Variants in RAP1GDS1 observed in about 807,000 individuals in gnomAD.
RAP1GDS1 encodes RAP1, GTP-GDP dissociation stimulator 1.
RAP1GDS1 carries 35 observed loss-of-function variants against 71.1 expected under a neutral mutation model. That is an observed-to-expected ratio of 0.49 (90% CI 0.38 to 0.65). The LOEUF (loss-of-function observed/expected upper bound fraction) is 0.65. RAP1GDS1 is among the 30% of genes least tolerant of loss of function. The pLI, the probability that RAP1GDS1 is intolerant of heterozygous loss-of-function variation, is 0.00. For missense variants in RAP1GDS1, 663 were observed against 706.1 expected, an observed-to-expected ratio of 0.94 and a Z score of 0.69; for synonymous variants, 229 against 243.1, an observed-to-expected ratio of 0.94 and a Z score of 0.54.
intron 2 of RAP1GDS1, among the ~76,000 whole-genome samples, chr4:98,330,465 C>T (rs1421810992): frequency 3.4e-5 from 5 of 148,416 alleles, no homozygotes; most frequent in South Asian, 2.2e-4. Flanking sequence ...ACTTCCCAGA[C>T]GGGGTGGCGG....
intron 12 of RAP1GDS1, among the ~76,000 whole-genome samples, chr4:98,422,681 C>T (rs1749057323): frequency 1.3e-5 from 2 of 152,150 alleles, no homozygotes; most frequent in Admixed American, 1.3e-4. Context: ...AAAACTAAAG[C>T]TGTTCTTGTA....
chr4:98,306,011 A>G (rs750792531), intron 2 of RAP1GDS1, among the ~76,000 whole-genome samples: 2 of 152,216 alleles, frequency 1.3e-5, no homozygotes, highest in South Asian at 2.1e-4. Flanking sequence ...ACTTTAAATT[A>G]TACTTGGGGA....
intron 1 of RAP1GDS1, among the ~76,000 whole-genome samples, chr4:98,280,653 C>T (rs368555925): frequency 6.6e-6 from 1 of 152,066 alleles, no homozygotes; most frequent in East Asian, 1.9e-4. Context: ...GTTGCCATTG[C>T]TTTTGGTGTT....
chr4:98,417,870 T>A (rs1331333445), intron 9 of RAP1GDS1, among the ~76,000 whole-genome samples: 1 of 152,164 alleles, frequency 6.6e-6, no homozygotes, highest in Non-Finnish European at 1.5e-5. Context: ...TATATACTTT[T>A]ATGCCCATAA....
At chr4:98,387,294 CTTATTT>C in intron 5 of RAP1GDS1, 1 of 358,594 alleles carries the variant, frequency 2.8e-6, no homozygotes, top group South Asian at 2.1e-5. Flanking sequence ...TCTTAACAAA[CTTATTT>C]TTAGTAACTT....
At chr4:98,431,826 A>T (rs574493419) in intron 12 of RAP1GDS1, among the ~76,000 whole-genome samples, 5 of 152,384 alleles carry the variant, frequency 3.3e-5, no homozygotes, top group African/African-American at 1.2e-4. Context: ...CATGTGACGA[A>T]TACGATGTTT....
chr4:98,324,533 A>G (rs1476364365), intron 2 of RAP1GDS1, among the ~76,000 whole-genome samples: 1 of 146,488 alleles, frequency 6.8e-6, no homozygotes, highest in Non-Finnish European at 1.5e-5. Context: ...CTACAAGGCT[A>G]CAGTAACCAA....
chr4:98,413,349 T>G (rs1161868237), intron 7 of RAP1GDS1, among the ~76,000 whole-genome samples: 4 of 151,914 alleles, frequency 2.6e-5, no homozygotes, highest in African/African-American at 4.8e-5. Context: ...TAGGTATATC[T>G]CCCAATGCTA....
At chr4:98,307,595 T>G (rs1401922417) in intron 2 of RAP1GDS1, among the ~76,000 whole-genome samples, 1 of 152,164 alleles carries the variant, frequency 6.6e-6, no homozygotes, top group Non-Finnish European at 1.5e-5. Context: ...CATACATTAC[T>G]TTTTAAAAAT....
intron 2 of RAP1GDS1, among the ~76,000 whole-genome samples, chr4:98,306,601 A>G (rs1389877728): frequency 1.3e-5 from 2 of 152,244 alleles, no homozygotes; most frequent in Non-Finnish European, 2.9e-5. Context: ...AATTGATACA[A>G]TGAATTGGAA....
intron 12 of RAP1GDS1, among the ~76,000 whole-genome samples, chr4:98,424,335 ATT>A (rs1749306409): frequency 6.6e-6 from 1 of 152,160 alleles, no homozygotes; most frequent in Non-Finnish European, 1.5e-5. Context: ...CCTGGGCCAT[ATT>A]GGAAAACGAA....
At chr4:98,329,808 A>G (rs1437624260) in intron 2 of RAP1GDS1, among the ~76,000 whole-genome samples, 2 of 151,478 alleles carry the variant, frequency 1.3e-5, no homozygotes, top group Admixed American at 6.6e-5. Flanking sequence ...AAAAAAAAAA[A>G]AAAGTGCCCA....
intron 11 of RAP1GDS1, 70 bp from the exon 12 acceptor site, chr4:98,421,185 A>T: frequency 7.0e-7 from 1 of 1,430,600 alleles, no homozygotes; most frequent in Non-Finnish European, 9.4e-7. Context: ...CACACTCTCA[A>T]ATCTGTACGA....
chr4:98,274,501 G>A (rs1199015435), intron 1 of RAP1GDS1, among the ~76,000 whole-genome samples: 3 of 152,136 alleles, frequency 2.0e-5, no homozygotes, highest in Admixed American at 1.3e-4. Context: ...ATAGAGTGAA[G>A]TACCATAGCT....
intron 2 of RAP1GDS1, among the ~76,000 whole-genome samples, chr4:98,324,483 A>C (rs1182861971): frequency 6.7e-6 from 1 of 149,540 alleles, no homozygotes; most frequent in Non-Finnish European, 1.5e-5. Context: ...AGCCAAAAGA[A>C]CAAAGCTGGA....
intron 2 of RAP1GDS1, among the ~76,000 whole-genome samples, chr4:98,323,044 AAGAG>A (rs1457962090): frequency 7.9e-5 from 12 of 151,966 alleles, no homozygotes; most frequent in African/African-American, 1.2e-4. Flanking sequence ...TAAGGAAAAA[AAGAG>A]AGAAGAATCA....
At chr4:98,416,655 A>C in intron 7 of RAP1GDS1, 90 bp from the exon 8 acceptor site, 1 of 1,264,452 alleles carries the variant, frequency 7.9e-7, no homozygotes, top group Non-Finnish European at 1.1e-6. Flanking sequence ...TGGCCCTCTT[A>C]GTTTCTTATA....
chr4:98,327,890 A>G (rs966894832), intron 2 of RAP1GDS1, among the ~76,000 whole-genome samples: 1 of 152,206 alleles, frequency 6.6e-6, no homozygotes, highest in Non-Finnish European at 1.5e-5. Context: ...GTCATCTCAA[A>G]GTGCTGAGCT....
At chr4:98,262,575 C>T (rs1347039024) in intron 1 of RAP1GDS1, among the ~76,000 whole-genome samples, 1 of 152,278 alleles carries the variant, frequency 6.6e-6, no homozygotes, top group East Asian at 1.9e-4. Flanking sequence ...ATAGTAGCGA[C>T]TTGTACTAAG....
Sources: allele counts gnomAD v4.1 joint callset (sites outside exome capture counted in the v4.1 genomes callset), GRCh38; gene constraint gnomAD v4.1.1; transcripts MANE v1.5; gene names NCBI Gene and HGNC (gene_info 2026-07-23, HGNC 2026-07-21).